FBXO38: variants seen among roughly 807,000 people sequenced by gnomAD.
FBXO38 encodes F-box only protein 38.
A neutral mutation model predicts 131.9 loss-of-function variants in FBXO38; 53 were observed. The observed-to-expected ratio is 0.40, with a 90% confidence interval of 0.32 to 0.51. The LOEUF is 0.51. Ranked by LOEUF, FBXO38 falls within the 20% of genes least tolerant of loss-of-function variation. FBXO38 has a pLI of 0.53. For missense variants in FBXO38, 1,076 were observed against 1,475.6 expected, an observed-to-expected ratio of 0.73 and a Z score of 4.44; for synonymous variants, 452 against 505.6, an observed-to-expected ratio of 0.89 and a Z score of 1.42.
intron 13 of FBXO38, 27 bp from the exon 14 acceptor site, chr5:148,425,495 A>C (rs1352121729): frequency 3.2e-6 from 5 of 1,579,596 alleles, no homozygotes; most frequent in Non-Finnish European, 4.3e-6. Flanking sequence ...GCAAAAAGTA[A>C]CTGTTAGGCC....
intron 21 of FBXO38, 54 bp downstream of exon 21, chr5:148,441,291 G>A: frequency 1.6e-6 from 2 of 1,239,334 alleles, no homozygotes; most frequent in Non-Finnish European, 2.4e-6. Context: ...AGCCTACTGT[G>A]TTACATACTT....
At chr5:148,386,080 A>G (rs1184933462) in intron 1 of FBXO38, among the ~76,000 whole-genome samples, 1 of 152,156 alleles carries the variant, frequency 6.6e-6, no homozygotes, top group Non-Finnish European at 1.5e-5. Context: ...GCAGCCACAG[A>G]GTGACTGTAA....
rs751618541 is a variant in FBXO38 at position 148,427,696 on chromosome 5, G to A, written c.2402G>A (p.Arg801Gln). ...GATGAGGAACGTCCTTCAACCAGCC[G>A]AGCCTGTGTTGTGAATGGCCCGGAT... is the stretch of plus-strand genomic sequence containing the variant. ...CSDEERPSTS[R>Q]ACVVNGPDGT... Residue 801 changes from arginine (R) to glutamine (Q), a missense_variant, in exon 15 of 22, where the codon CGA becomes CAA. Arg to Gln is a conservative substitution (Grantham distance 43). Coordinates refer to ENST00000340253, the MANE Select transcript of FBXO38 (RefSeq NM_205836.3). The A allele has an allele frequency of 1.3e-5, 21 of 1,614,072 alleles. No individual in the cohort carries two copies. Among genetic ancestry groups the A allele is most frequent in the Non-Finnish European group, 1.7e-5 (20 of 1,180,034 alleles).
At chr5:148,418,601 T>C (rs867212729) in intron 12 of FBXO38, among the ~76,000 whole-genome samples, 1 of 152,200 alleles carries the variant, frequency 6.6e-6, no homozygotes. Context: ...ACGTATTGTC[T>C]CTTTGCTTTG....
At chr5:148,430,146 A>ATTT in intron 15 of FBXO38, 1 of 109,096 alleles carries the variant, frequency 9.2e-6, no homozygotes, top group East Asian at 3.2e-4. Flanking sequence ...AATTATAATT[A>ATTT]TTATTATTAT....
intron 18 of FBXO38, 73 bp from the exon 19 acceptor site, chr5:148,439,574 G>A: frequency 7.0e-7 from 1 of 1,426,456 alleles, no homozygotes; most frequent in East Asian, 2.3e-5. Flanking sequence ...TGGAAAGATT[G>A]TTCAAGCTCT....
intron 12 of FBXO38, among the ~76,000 whole-genome samples, chr5:148,419,656 G>A (rs528706544): frequency 2.0e-5 from 3 of 152,136 alleles, no homozygotes; most frequent in Admixed American, 6.6e-5. Context: ...CGGGAGGATG[G>A]CTTGAGTGGG....
intron 5 of FBXO38, 31 bp from the exon 6 acceptor site, chr5:148,404,654 T>A (rs894311741): frequency 6.6e-7 from 1 of 1,510,406 alleles, no homozygotes; most frequent in Non-Finnish European, 8.8e-7. Flanking sequence ...GATTTTTTTC[T>A]TGTTTGTTCT....
chr5:148,402,644 A>G (rs1473403870), intron 5 of FBXO38, 131 bp downstream of exon 5: 12 of 801,002 alleles, frequency 1.5e-5, no homozygotes, highest in East Asian at 5.5e-5. Context: ...AATGTTTGCA[A>G]GATCTGTATA....
chr5:148,387,950 A>G (rs1363157567), intron 1 of FBXO38, among the ~76,000 whole-genome samples: 1 of 152,126 alleles, frequency 6.6e-6, no homozygotes, highest in African/African-American at 2.4e-5. Context: ...TCGGCCTCCC[A>G]AAGTGCTGGG....
chr5:148,406,224 A>G (rs778004548), intron 6 of FBXO38, 33 bp from the exon 7 acceptor site: 5 of 1,534,182 alleles, frequency 3.3e-6, no homozygotes, highest in African/African-American at 1.4e-5. Context: ...GGCACTTTAC[A>G]TTGTTCTATC....
intron 10 of FBXO38, 140 bp from the exon 11 acceptor site, chr5:148,415,788 C>G: frequency 2.6e-6 from 2 of 772,426 alleles, no homozygotes; most frequent in South Asian, 1.8e-5. Flanking sequence ...TTAGAATCAT[C>G]GGGTTTTAGA....
At chr5:148,395,438 A>T (rs1199470709) in intron 2 of FBXO38, among the ~76,000 whole-genome samples, 1 of 151,130 alleles carries the variant, frequency 6.6e-6, no homozygotes, top group Non-Finnish European at 1.5e-5. Flanking sequence ...TTCTAAAAAA[A>T]TTATATTTTT....
chr5:148,438,522 A>T (rs748950326), intron 18 of FBXO38, 24 bp downstream of exon 18: 1 of 1,603,324 alleles, frequency 6.2e-7, no homozygotes, highest in East Asian at 2.2e-5. Context: ...CTTCTTTCCG[A>T]TGATACACAT....
At chr5:148,433,823 G>T in intron 17 of FBXO38, 86 bp downstream of exon 17, 1 of 676,350 alleles carries the variant, frequency 1.5e-6, no homozygotes, top group Non-Finnish European at 2.5e-6. Flanking sequence ...TAGCATTACT[G>T]TCTTATTTTC....
At chr5:148,440,170 G>T (rs995050907) in intron 19 of FBXO38, among the ~76,000 whole-genome samples, 1 of 152,188 alleles carries the variant, frequency 6.6e-6, no homozygotes, top group Non-Finnish European at 1.5e-5. Context: ...AGCACCTTTT[G>T]TGTAGAAGAC....
intron 15 of FBXO38, among the ~76,000 whole-genome samples, chr5:148,430,976 A>AATC (rs1754015431): frequency 6.6e-6 from 1 of 152,212 alleles, no homozygotes; most frequent in African/African-American, 2.4e-5. Context: ...GACTGGATTG[A>AATC]TCTGCCTTTC....
intron 1 of FBXO38, chr5:148,390,080 G>A (rs1476129808): frequency 1.3e-5 from 2 of 151,676 alleles, no homozygotes; most frequent in Non-Finnish European, 2.9e-5. Context: ...GACTTGTGGT[G>A]TGTGAATTTC....
At chr5:148,440,986 T>C (rs1754651407) in intron 20 of FBXO38, 138 bp from the exon 21 acceptor site, 5 of 666,582 alleles carry the variant, frequency 7.5e-6, no homozygotes, top group Non-Finnish European at 1.3e-5. Flanking sequence ...TACAAATTAG[T>C]TTGATAGCTG....
Sources: gnomAD v4.1 joint callset for allele counts (sites outside exome capture counted in the v4.1 genomes callset) on GRCh38, gnomAD v4.1.1 for gene constraint, MANE v1.5 for transcripts, NCBI Gene and HGNC (gene_info 2026-07-23, HGNC 2026-07-21) for gene names.